The following NALF1 variants were observed in gnomAD, a reference collection of about 807,000 sequenced individuals.
NALF1 encodes the protein NALCN channel auxiliary factor 1, also known as family with sequence similarity 155 member A.
A neutral mutation model predicts 48.4 loss-of-function variants in NALF1; 3 were observed. The ratio of observed to expected loss-of-function variants is 0.06; its 90% CI spans 0.03 to 0.16. The LOEUF (loss-of-function observed/expected upper bound fraction) is 0.16, where lower values mean the gene tolerates loss of function less well. Among genes scored for constraint, NALF1 ranks in the 10% least tolerant of loss-of-function variants. The pLI is 1.00. For synonymous variants in NALF1, 262 were observed against 245.7 expected, an observed-to-expected ratio of 1.07 and a Z score of -0.62; for missense variants, 526 against 571.5, an observed-to-expected ratio of 0.92 and a Z score of 0.81.
At chr13:107,643,551 G>C (rs934152463) in intron 1 of NALF1, among the ~76,000 whole-genome samples, 1 of 147,228 alleles carries the variant, frequency 6.8e-6, no homozygotes. Context: ...GTGGGGGGGG[G>C]GTGAAACGAA....
intron 2 of NALF1, 52 bp downstream of exon 2, chr13:107,210,532 A>G: frequency 7.6e-7 from 1 of 1,307,998 alleles, no homozygotes; most frequent in Non-Finnish European, 1.1e-6. Context: ...ACATCACACA[A>G]GAAAGCAAAA....
chr13:107,561,672 TCCTA>T (rs1218007389), intron 1 of NALF1, among the ~76,000 whole-genome samples: 5 of 152,186 alleles, frequency 3.3e-5, no homozygotes, highest in Non-Finnish European at 4.4e-5. Context: ...GTTTGCAAAT[TCCTA>T]CCTATTAATT....
At chr13:107,671,419 A>G (rs1227164901) in intron 1 of NALF1, among the ~76,000 whole-genome samples, 10 of 152,144 alleles carry the variant, frequency 6.6e-5, no homozygotes, top group Admixed American at 6.6e-4. Context: ...TAAGAATGAA[A>G]AAGAGTCAGA....
In NALF1 at chr13:107,758,447, C is replaced by T. The variant is rs568933893; in HGVS notation, c.915+107235G>A. ...CCATAAAAAGCATGTATAGGCTTGG[C>T]GCAGTGGCTTATGCCTGTAATCCCA... On this transcript the variant is annotated intron_variant, in intron 1 of 2. Coordinates refer to ENST00000375915, the MANE Select transcript of NALF1 (RefSeq NM_001080396.3). Among the ~76,000 whole-genome samples the T allele has an allele frequency of 7.9e-5, 12 of 152,150 alleles. No homozygotes were observed. In the South Asian group the frequency reaches 1.7e-3, roughly 21 times the overall value.
intron 1 of NALF1, among the ~76,000 whole-genome samples, chr13:107,656,135 G>A (rs1480786984): frequency 1.2e-4 from 17 of 141,006 alleles, no homozygotes; most frequent in African/African-American, 2.9e-4. Flanking sequence ...AAAGGCAAAT[G>A]CAAAAAAAAA....
intron 1 of NALF1, among the ~76,000 whole-genome samples, chr13:107,282,302 A>G (rs1286825925): frequency 6.6e-6 from 1 of 152,232 alleles, no homozygotes; most frequent in Non-Finnish European, 1.5e-5. Context: ...AATGCTTGCT[A>G]TGAATGTTAT....
chr13:107,326,626 T>G (rs1379740619), intron 1 of NALF1, among the ~76,000 whole-genome samples: 2 of 152,190 alleles, frequency 1.3e-5, no homozygotes. Flanking sequence ...AGTAATATAA[T>G]GGGCGTTGTA....
At chr13:107,327,033 AC>A (rs1882377556) in intron 1 of NALF1, among the ~76,000 whole-genome samples, 1 of 152,252 alleles carries the variant, frequency 6.6e-6, no homozygotes. Context: ...CCAAAATCAC[AC>A]ATTGAAGGTT....
At chr13:107,395,504 A>G (rs1268705438) in intron 1 of NALF1, among the ~76,000 whole-genome samples, 1 of 152,046 alleles carries the variant, frequency 6.6e-6, no homozygotes, top group Non-Finnish European at 1.5e-5. Flanking sequence ...CAGACTACAC[A>G]GCTGGGTCGT....
chr13:107,468,419 T>G lies in NALF1; in HGVS notation c.916-257664A>C, dbSNP rs558756530. On this transcript the variant is annotated intron_variant, in intron 1 of 2. Coordinates refer to ENST00000375915, the MANE Select transcript of NALF1 (RefSeq NM_001080396.3). ...AGACAGCAACACTCACCTGTGTACATGGAAGAATGAAAGGAAGGCTGACCA... is the reference window on the plus strand; with the variant it reads ...AGACAGCAACACTCACCTGTGTACAGGGAAGAATGAAAGGAAGGCTGACCA... 3.3e-5 allele frequency among the ~76,000 whole-genome samples: 5 copies of G among 152,272 alleles called. No homozygotes were observed. In the East Asian group the frequency reaches 9.7e-4, roughly 29 times the overall value.
chr13:107,643,053 C>A (rs749741890), intron 1 of NALF1, among the ~76,000 whole-genome samples: 2 of 151,966 alleles, frequency 1.3e-5, no homozygotes, highest in Non-Finnish European at 2.9e-5. Flanking sequence ...GAAGAGCAGG[C>A]GTATGTCATC....
chr13:107,560,561 G>T (rs1367916998), intron 1 of NALF1, among the ~76,000 whole-genome samples: 2 of 151,948 alleles, frequency 1.3e-5, no homozygotes, highest in Non-Finnish European at 2.9e-5. Context: ...AATATAGTAT[G>T]ATGTACTACA....
chr13:107,492,031 G>GT (rs1875146885), intron 1 of NALF1, among the ~76,000 whole-genome samples: 1 of 134,604 alleles, frequency 7.4e-6, no homozygotes, highest in African/African-American at 3.1e-5. Flanking sequence ...AGCCTGTCTG[G>GT]GTTTTTTTTT....
chr13:107,822,314 AT>A (rs5806697), intron 1 of NALF1, among the ~76,000 whole-genome samples: 26,637 of 146,444 alleles, frequency 0.18, 2,600 homozygotes, highest in East Asian at 0.41. Context: ...ATGCAAAAGT[AT>A]TTTTTTTTTT....
intron 1 of NALF1, among the ~76,000 whole-genome samples, chr13:107,631,090 T>C (rs1051664924): frequency 2.6e-5 from 4 of 152,158 alleles, no homozygotes; most frequent in Admixed American, 1.3e-4. Context: ...CACTACCTCA[T>C]GGGCTCAAGC....
rs35071894 is a variant in NALF1, at chr13:107,854,868, C to CAA, written c.915+10812_915+10813dup. Among the ~76,000 whole-genome samples the CAA allele has an allele frequency of 3.3e-4, 27 of 81,894 alleles. 1 individual carries two copies. Among genetic ancestry groups the CAA allele is most frequent in the African/African-American group, 9.9e-4 (19 of 19,240 alleles). The allele number at this position is 81,894 out of a possible 152,430, so 53.7% of individuals were successfully genotyped here. Reference sequence around the variant, plus strand: ...CAGCCTGGCGACACAGGTTCCATCTCAAAAAAAAAAAAAAAGAAAAAAAGA... The same window carrying CAA: ...CAGCCTGGCGACACAGGTTCCATCTCAAAAAAAAAAAAAAAAAGAAAAAAAGA... On this transcript the variant is annotated intron_variant, in intron 1 of 2. Coordinates refer to ENST00000375915, the MANE Select transcript of NALF1 (RefSeq NM_001080396.3).
At chr13:107,679,953 C>T (rs778163675) in intron 1 of NALF1, among the ~76,000 whole-genome samples, 5 of 152,194 alleles carry the variant, frequency 3.3e-5, no homozygotes, top group Non-Finnish European at 7.3e-5. Flanking sequence ...CTTTTGCTCC[C>T]ATTCTTTTAG....
At chr13:107,251,621 G>C (rs1176064309) in intron 1 of NALF1, among the ~76,000 whole-genome samples, 2 of 152,158 alleles carry the variant, frequency 1.3e-5, no homozygotes, top group Non-Finnish European at 2.9e-5. Context: ...CTTAGCTGAA[G>C]GTAGGGGAGT....
chr13:107,543,502 A>T (rs1343012610), intron 1 of NALF1, among the ~76,000 whole-genome samples: 3 of 152,086 alleles, frequency 2.0e-5, no homozygotes, highest in Non-Finnish European at 4.4e-5. Flanking sequence ...CTAGAAAAAA[A>T]TCTGCCATAT....
Sources: allele counts gnomAD v4.1 joint callset (sites outside exome capture counted in the v4.1 genomes callset), GRCh38; gene constraint gnomAD v4.1.1; transcripts MANE v1.5; gene names NCBI Gene and HGNC (gene_info 2026-07-23, HGNC 2026-07-21).